The following SMYD3 variants were observed in gnomAD, a reference collection of about 807,000 sequenced individuals.
SMYD3 encodes histone-lysine N-methyltransferase SMYD3.
A neutral mutation model predicts 57.7 loss-of-function variants in SMYD3; 36 were observed. The ratio of observed to expected loss-of-function variants is 0.62; its 90% CI spans 0.48 to 0.82. The LOEUF (loss-of-function observed/expected upper bound fraction) is 0.82, where lower values mean the gene tolerates loss of function less well. Among genes scored for constraint, SMYD3 ranks in the 40% least tolerant of loss-of-function variants. The pLI is 0.00. For synonymous variants in SMYD3, 211 were observed against 195.0 expected (o/e 1.08, Z -0.68); for missense variants, 515 against 538.8 (o/e 0.96, Z 0.44).
intron 5 of SMYD3, among the ~76,000 whole-genome samples, chr1:246,325,493 G>A (rs1333677464): frequency 6.6e-6 from 1 of 152,028 alleles, no homozygotes; most frequent in Admixed American, 6.5e-5. Flanking sequence ...TCTCAAAACT[G>A]TGTATTTTCT....
intron 1 of SMYD3, among the ~76,000 whole-genome samples, chr1:246,437,899 C>G (rs2067404002): frequency 1.3e-5 from 2 of 152,140 alleles, no homozygotes; most frequent in Admixed American, 6.5e-5. Context: ...CACATAACAG[C>G]TGACAATGAT....
At chr1:245,805,848 G>T (rs1057396991) in intron 10 of SMYD3, among the ~76,000 whole-genome samples, 9 of 152,160 alleles carry the variant, frequency 5.9e-5, no homozygotes, top group African/African-American at 1.9e-4. Flanking sequence ...CAGAATCCAG[G>T]CTTGGGCACA....
intron 5 of SMYD3, among the ~76,000 whole-genome samples, chr1:245,936,854 C>CA (rs1337105488): frequency 1.3e-4 from 20 of 150,190 alleles, no homozygotes; most frequent in South Asian, 4.2e-4. Context: ...GTCCCCGCCA[C>CA]AAAAAAAAAT....
chr1:246,184,096 T>C (rs561838990), intron 5 of SMYD3, among the ~76,000 whole-genome samples: 1 of 152,168 alleles, frequency 6.6e-6, no homozygotes, highest in Admixed American at 6.5e-5. Context: ...TCAGGTTGTA[T>C]TTTTCCCTAA....
At chr1:246,023,286 A>G (rs560089384) in intron 5 of SMYD3, among the ~76,000 whole-genome samples, 1 of 152,352 alleles carries the variant, frequency 6.6e-6, no homozygotes, top group African/African-American at 2.4e-5. Context: ...CTGTGTTGGA[A>G]TGTCTGTCTG....
At chr1:245,887,625 T>C (rs183650631) in intron 8 of SMYD3, among the ~76,000 whole-genome samples, 9 of 152,326 alleles carry the variant, frequency 5.9e-5, no homozygotes, top group Admixed American at 3.9e-4. Context: ...CTCAGGTCAA[T>C]GTCTCCTGTG....
chr1:246,277,951 G>A (rs138404430), intron 5 of SMYD3, among the ~76,000 whole-genome samples: 5 of 152,270 alleles, frequency 3.3e-5, no homozygotes, highest in East Asian at 1.9e-4. Flanking sequence ...GATAATCATC[G>A]TATATTATAT....
At chr1:245,841,799 T>C (rs1450784932) in intron 10 of SMYD3, among the ~76,000 whole-genome samples, 1 of 152,208 alleles carries the variant, frequency 6.6e-6, no homozygotes, top group East Asian at 1.9e-4. Context: ...GAATTTTCTT[T>C]TCTACTGATA....
chr1:246,083,159 T>C (rs2060667132), intron 5 of SMYD3, among the ~76,000 whole-genome samples: 2 of 151,202 alleles, frequency 1.3e-5, no homozygotes, highest in Non-Finnish European at 2.9e-5. Context: ...TCTTTGCAGT[T>C]GAGATAAGAG....
At chr1:246,336,533 A>G (rs1371309306) in intron 2 of SMYD3, among the ~76,000 whole-genome samples, 3 of 152,220 alleles carry the variant, frequency 2.0e-5, no homozygotes, top group African/African-American at 7.2e-5. Context: ...GCTGATTCAA[A>G]GTAAAGATGT....
chr1:246,458,488 C>T lies in SMYD3; in HGVS notation c.164+48566G>A, dbSNP rs1296483530. 1.2e-3 allele frequency among the ~76,000 whole-genome samples: 175 copies of T among 142,322 alleles called. 3 individuals carry two copies. Among genetic ancestry groups the T allele is most frequent in the Non-Finnish European group, 3.8e-4 (25 of 66,132 alleles). 93.4% of individuals were successfully genotyped at this position (142,322 alleles called of 152,430 possible). On this transcript the variant is annotated intron_variant, in intron 1 of 11. Transcript: ENST00000490107. ...TTGAGACAGAGTCTCGCTCTGTTGC[C>T]CAGGCTGGAGTGCAGTGGTGCGATC...
chr1:246,489,168 C>A (rs986270099), intron 1 of SMYD3, among the ~76,000 whole-genome samples: 3 of 151,866 alleles, frequency 2.0e-5, no homozygotes, highest in African/African-American at 4.8e-5. Context: ...AACATGGTGA[C>A]ACCCCGTCTC....
intron 1 of SMYD3, among the ~76,000 whole-genome samples, chr1:246,452,219 T>C (rs2067642743): frequency 6.6e-6 from 1 of 152,138 alleles, no homozygotes; most frequent in Non-Finnish European, 1.5e-5. Flanking sequence ...CAAATCTCAC[T>C]TGCGGGCCAG....
intron 1 of SMYD3, among the ~76,000 whole-genome samples, chr1:246,505,467 G>A (rs146118078): frequency 5.1e-4 from 78 of 152,090 alleles, no homozygotes; most frequent in Non-Finnish European, 1.0e-3. Context: ...CAGTGTCTAT[G>A]GTGTTCGTGG....
intron 10 of SMYD3, among the ~76,000 whole-genome samples, chr1:245,835,088 T>C (rs1456163149): frequency 6.6e-6 from 1 of 151,168 alleles, no homozygotes; most frequent in Admixed American, 6.6e-5. Context: ...TTGGATATGC[T>C]TGGGCTCAAA....
intron 10 of SMYD3, among the ~76,000 whole-genome samples, chr1:245,776,827 T>A (rs1216366467): frequency 6.6e-6 from 1 of 152,204 alleles, no homozygotes; most frequent in East Asian, 1.9e-4. Context: ...GCTGGTAAAC[T>A]CCACCTCACA....
chr1:245,825,425 C>G (rs1447168832), intron 10 of SMYD3, among the ~76,000 whole-genome samples: 2 of 152,154 alleles, frequency 1.3e-5, no homozygotes, highest in Non-Finnish European at 2.9e-5. Context: ...GGCCCCTCCA[C>G]CTGGGATGAG....
At chr1:246,310,832 G>T (rs541023876) in intron 5 of SMYD3, among the ~76,000 whole-genome samples, 12 of 152,080 alleles carry the variant, frequency 7.9e-5, no homozygotes, top group African/African-American at 2.9e-4. Flanking sequence ...ACCACGCCTG[G>T]CTGACTTTTG....
intron 1 of SMYD3, among the ~76,000 whole-genome samples, chr1:246,372,237 A>G (rs1398263105): frequency 1.3e-5 from 2 of 152,218 alleles, no homozygotes; most frequent in Admixed American, 1.3e-4. Flanking sequence ...TGGTGCAAGC[A>G]CTTTGATGCC....
Sources: allele counts gnomAD v4.1 joint callset (sites outside exome capture counted in the v4.1 genomes callset), GRCh38; gene constraint gnomAD v4.1.1; transcripts MANE v1.5; gene names NCBI Gene and HGNC (gene_info 2026-07-23, HGNC 2026-07-21).